GNG7: variants seen among roughly 807,000 people sequenced by gnomAD.
The protein encoded by GNG7 is guanine nucleotide-binding protein G(I)/G(S)/G(O) subunit gamma-7.
GNG7 carries 1 observed loss-of-function variant against 4.0 expected under a neutral mutation model. The ratio of observed to expected loss-of-function variants is 0.25; its 90% confidence interval spans 0.09 to 1.18. The LOEUF (loss-of-function observed/expected upper bound fraction) is 1.18, where lower values mean the gene tolerates loss of function less well. Among genes scored for constraint, GNG7 ranks in the 50% most tolerant of loss-of-function variants. The pLI, the probability that GNG7 is intolerant of heterozygous loss-of-function variation, is 0.50. For synonymous variants in GNG7, 34 were observed against 36.9 expected (o/e 0.92, Z 0.29); for missense variants, 86 against 91.9 (o/e 0.94, Z 0.26).
At chr19:2,599,468 T>C (rs1310219441) in intron 2 of GNG7, among the ~76,000 whole-genome samples, 2 of 151,848 alleles carry the variant, frequency 1.3e-5, no homozygotes, top group Non-Finnish European at 2.9e-5. Context: ...GGTGCGGACC[T>C]GGGAGGGGGG....
chr19:2,691,695 C>T (rs993758179), intron 1 of GNG7, among the ~76,000 whole-genome samples: 1 of 151,418 alleles, frequency 6.6e-6, no homozygotes, highest in Admixed American at 6.6e-5. Context: ...GGTGAAACCC[C>T]GTTTCTACTA....
intron 3 of GNG7, among the ~76,000 whole-genome samples, chr19:2,527,100 TC>T (rs1283383324): frequency 6.6e-6 from 1 of 152,208 alleles, no homozygotes; most frequent in African/African-American, 2.4e-5. Flanking sequence ...CGCCTCAGCC[TC>T]CCAAAGTGCT....
At chr19:2,659,187 T>C (rs942348382) in intron 1 of GNG7, among the ~76,000 whole-genome samples, 1 of 151,918 alleles carries the variant, frequency 6.6e-6, no homozygotes, top group African/African-American at 2.4e-5. Context: ...GCCAGGATGG[T>C]CTCAATCTCC....
intron 1 of GNG7, among the ~76,000 whole-genome samples, chr19:2,655,161 G>C (rs538636913): frequency 3.4e-4 from 50 of 147,570 alleles, no homozygotes; most frequent in African/African-American, 1.2e-3. Context: ...TGCACTCCAG[G>C]CTGGGTGACA....
At chr19:2,673,286 A>C (rs1354401790) in intron 1 of GNG7, among the ~76,000 whole-genome samples, 2 of 150,602 alleles carry the variant, frequency 1.3e-5, no homozygotes, top group South Asian at 2.1e-4. Flanking sequence ...AACAAAACAA[A>C]ACAAAAAAAA....
intron 2 of GNG7, among the ~76,000 whole-genome samples, chr19:2,619,804 CT>C (rs1981817783): frequency 6.6e-6 from 1 of 151,658 alleles, no homozygotes. Flanking sequence ...GACAGGGCTT[CT>C]TTTGGGGGTG....
At chr19:2,645,231 CT>C (rs1982632587) in intron 2 of GNG7, among the ~76,000 whole-genome samples, 2 of 120,108 alleles carry the variant, frequency 1.7e-5, no homozygotes, top group Non-Finnish European at 3.6e-5. Context: ...TTTCTTTTCT[CT>C]CTCTCTCTCT....
intron 3 of GNG7, among the ~76,000 whole-genome samples, chr19:2,544,139 G>A (rs77752184): frequency 6.6e-6 from 1 of 152,212 alleles, no homozygotes; most frequent in Admixed American, 6.5e-5. Context: ...CTGCTTCTGA[G>A]AACACAGTGT....
chr19:2,620,861 G>A (rs1490895182), intron 2 of GNG7, among the ~76,000 whole-genome samples: 4 of 152,184 alleles, frequency 2.6e-5, no homozygotes, highest in Admixed American at 2.6e-4. Context: ...AGACTCCTGC[G>A]GTGGAAATGC....
intron 2 of GNG7, among the ~76,000 whole-genome samples, chr19:2,569,640 G>T (rs973611106): frequency 2.6e-5 from 4 of 152,088 alleles, no homozygotes; most frequent in Non-Finnish European, 5.9e-5. Context: ...TACTAAATAG[G>T]GTCTCTCTTA....
At chr19:2,608,031 G>A (rs1981443973) in intron 2 of GNG7, among the ~76,000 whole-genome samples, 1 of 134,010 alleles carries the variant, frequency 7.5e-6, no homozygotes, top group Non-Finnish European at 1.5e-5. Context: ...AGGGAGATCA[G>A]AAGATCAGAT....
chr19:2,538,076 C>CAACA (rs1568235427), intron 3 of GNG7: 4 of 433,366 alleles, frequency 9.2e-6, no homozygotes, highest in South Asian at 4.9e-5. Context: ...GACTCTCTCT[C>CAACA]AAACAAAACA....
chr19:2,619,911 C>T (rs986786801), intron 2 of GNG7, among the ~76,000 whole-genome samples: 1 of 151,418 alleles, frequency 6.6e-6, no homozygotes, highest in Non-Finnish European at 1.5e-5. Context: ...GAGTTTTACG[C>T]TGTGTCAGTT....
rs535089522 is a variant in GNG7, at chr19:2,673,431, G to A, written c.-134-27151C>T. ...ATAAAGACCGGGCGCCGTGGCTCAC[G>A]CCTGTAATCCCAGCACTTTGGGAGG... is the stretch of plus-strand genomic sequence containing the variant. On this transcript the variant is annotated intron_variant, in intron 1 of 4. Coordinates refer to ENST00000382159, the MANE Select transcript of GNG7 (RefSeq NM_052847.3). Among the ~76,000 whole-genome samples the A allele has an allele frequency of 7.2e-3, 1,089 of 151,992 alleles. 12 individuals carry two copies. The highest frequency in any genetic ancestry group is 0.025 in the African/African-American group (1,017 of 41,480).
At chr19:2,549,702 C>T (rs548772658) in intron 3 of GNG7, among the ~76,000 whole-genome samples, 8 of 149,156 alleles carry the variant, frequency 5.4e-5, no homozygotes, top group Admixed American at 1.3e-4. Context: ...CAGCTACCAC[C>T]GCTGCAGCTA....
At position 2,659,204 on chromosome 19, in the gene GNG7, C is replaced by T. The variant is rs186616989; in HGVS notation, c.-134-12924G>A. On this transcript the variant is annotated intron_variant, in intron 1 of 4. Transcript: ENST00000382159. ...CAGGATGGTCTCAATCTCCTGACCT[C>T]GTGATCCGCCCACCTTGGCCTCCCA... Among the ~76,000 whole-genome samples, 38 of 151,906 alleles carry T rather than the reference C, an allele frequency of 2.5e-4. 1 individual carries two copies. The South Asian group carries it at 4.1e-3, about 17-fold the overall frequency.
intron 3 of GNG7, among the ~76,000 whole-genome samples, chr19:2,554,142 G>A (rs1271130309): frequency 6.8e-6 from 1 of 146,312 alleles, no homozygotes; most frequent in Non-Finnish European, 1.5e-5. Context: ...TATTATAGCA[G>A]TGAACTATAA....
intron 3 of GNG7, chr19:2,538,426 C>G (rs1353619015): frequency 2.8e-6 from 1 of 358,832 alleles, no homozygotes; most frequent in Non-Finnish European, 5.4e-6. Context: ...AGTTTGAGAC[C>G]AGCCTGGGCA....
intron 3 of GNG7, among the ~76,000 whole-genome samples, chr19:2,554,559 A>ATATATAT (rs1196558078): frequency 3.1e-5 from 4 of 130,114 alleles, no homozygotes; most frequent in African/African-American, 8.4e-5. Context: ...ATATATATAT[A>ATATATAT]TTTTTTTTTT....
Sources: allele counts gnomAD v4.1 joint callset (sites outside exome capture counted in the v4.1 genomes callset), GRCh38; gene constraint gnomAD v4.1.1; transcripts MANE v1.5; gene names NCBI Gene and HGNC (gene_info 2026-07-23, HGNC 2026-07-21).